The following MBD1 variants were observed in gnomAD, a reference collection of about 807,000 sequenced individuals.
MBD1 encodes the protein methyl-CpG-binding domain protein 1.
MBD1 carries 25 observed loss-of-function variants against 82.6 expected under a neutral mutation model. The observed-to-expected ratio is 0.30, with a 90% CI of 0.22 to 0.42. The LOEUF (loss-of-function observed/expected upper bound fraction) is 0.42. Ranked by LOEUF, MBD1 falls within the 10% of genes least tolerant of loss-of-function variation. The pLI is 1.00. For missense variants in MBD1, 627 were observed against 819.6 expected (o/e 0.76, Z 2.87); for synonymous variants, 301 against 303.7 (o/e 0.99, Z 0.09).
At chr18:50,281,064 C>T in intron 1 of MBD1, 1 of 1,170,638 alleles carries the variant, frequency 8.5e-7, no homozygotes, top group South Asian at 1.3e-5. Flanking sequence ...GTTCTGAACC[C>T]CCATTTCTCT....
chr18:50,274,001 C>A, intron 11 of MBD1, 138 bp from the exon 12 acceptor site: 2 of 1,319,786 alleles, frequency 1.5e-6, no homozygotes, highest in Non-Finnish European at 2.2e-6. Context: ...CATCACTGAG[C>A]CTGCTAGTCT....
intron 16 of MBD1, chr18:50,270,512 G>A (rs578261623): frequency 1.7e-5 from 6 of 349,132 alleles, no homozygotes; most frequent in East Asian, 1.5e-4. Flanking sequence ...GGAGATGCAC[G>A]TTGTCAGGAA....
rs2037667873 is a variant in MBD1 at position 50,275,906 on chromosome 18, G to A, written c.592C>T (p.Leu198=). ...AGCCCCGATGCCACATCATGGGGCAGCTGCAGGAGGCAGGTGGAGCAGGCC... is the reference window on the plus strand; with the variant it reads ...AGCCCCGATGCCACATCATGGGGCAACTGCAGGAGGCAGGTGGAGCAGGCC... ...CGACSTCLLQ[L]PHDVASGLFC... The change falls in exon 7 of 17, where the codon CTG becomes TTG. Residue 198 remains leucine (L), a synonymous_variant. Transcript: ENST00000269468. The A allele has an allele frequency of 6.2e-7, 1 of 1,614,026 alleles. No homozygotes were observed. The highest frequency in any genetic ancestry group is 8.5e-7 in the Non-Finnish European group (1 of 1,180,040).
At position 50,271,465 on chromosome 18, in the gene MBD1, T is replaced by G; in HGVS notation, c.*32+4A>C. 6.2e-7 allele frequency: 1 copy of G among 1,614,162 alleles called. No individual in the cohort carries two copies. Among genetic ancestry groups the G allele is most frequent in the Non-Finnish European group, 8.5e-7 (1 of 1,180,026 alleles). On this transcript the variant is annotated splice_donor_region_variant and intron_variant, in intron 16 of 16. Transcript: ENST00000269468. ...CTCTCATAAAGCCAGTCTGCAAATA[T>G]CACCTTGAATCCTACAGTCTGTAGA...
upstream of MBD1, chr18:50,281,702 C>A: frequency 4.8e-6 from 2 of 417,318 alleles, no homozygotes; most frequent in South Asian, 1.5e-4. Flanking sequence ...TGACGTTCAA[C>A]GACAGCTAAC....
chr18:50,279,667 C>A (rs1050116677), intron 2 of MBD1: 3 of 592,904 alleles, frequency 5.1e-6, no homozygotes, highest in Non-Finnish European at 8.7e-6. Flanking sequence ...CTGCTCTGTA[C>A]GTATTCTTGA....
At chr18:50,267,390 C>T, downstream of MBD1, 2 of 509,758 alleles carry the variant, frequency 3.9e-6, no homozygotes, top group South Asian at 3.2e-5. Flanking sequence ...TTCCTATTTG[C>T]CATTGGCAGA....
chr18:50,279,693 CTG>C (rs1188493101), intron 2 of MBD1, 188 bp downstream of exon 2: 5 of 695,952 alleles, frequency 7.2e-6, no homozygotes, highest in Admixed American at 5.4e-5. Flanking sequence ...CACAAATGCA[CTG>C]TGAGTAGTGA....
chr18:50,272,615 A>C, intron 15 of MBD1, 62 bp downstream of exon 15: 1 of 1,586,938 alleles, frequency 6.3e-7, no homozygotes, highest in Non-Finnish European at 8.6e-7. Flanking sequence ...TACTTTCAAA[A>C]CTCAGGGCCC....
At chr18:50,270,087 T>G (rs751294842) in intron 16 of MBD1, 2 of 1,597,958 alleles carry the variant, frequency 1.3e-6, no homozygotes, top group Non-Finnish European at 1.7e-6. Flanking sequence ...GGTTGGTTCC[T>G]GGGGGAAACA....
chr18:50,276,149 A>G, intron 6 of MBD1, 168 bp from the exon 7 acceptor site: 1 of 899,554 alleles, frequency 1.1e-6, no homozygotes, highest in Admixed American at 2.0e-5. Context: ...GGCCATTAGT[A>G]TGTCTACTGG....
At chr18:50,281,047 T>A in intron 1 of MBD1, 3 of 945,932 alleles carry the variant, frequency 3.2e-6, no homozygotes, top group Non-Finnish European at 4.7e-6. Context: ...CATTTCTCCC[T>A]CTCAGAGTTC....
In MBD1 at chr18:50,279,921, T is replaced by C. The variant is rs756833275; in HGVS notation, c.72A>G (p.Ser24=). The C allele has an allele frequency of 9.9e-6, 16 of 1,613,778 alleles. No homozygotes were observed. Among genetic ancestry groups the C allele is most frequent in the South Asian group, 2.2e-5 (2 of 91,090 alleles). ...TGTCTGAGCGTCCACAGGTGGCCCC[T>C]GACTTGCGAAAGACTTCGCGGCGCT... The part of the protein sequence containing the change: ...GWKRREVFRK[S]GATCGRSDTY... The change falls in exon 2 of 17, where the codon TCA becomes TCG. Residue 24 remains serine, a synonymous_variant. Transcript: ENST00000269468.
At chr18:50,270,455 C>A in intron 16 of MBD1, 1 of 404,100 alleles carries the variant, frequency 2.5e-6, no homozygotes, top group South Asian at 1.9e-5. Context: ...TCCTAGAACA[C>A]ATTCAGGCTG....
At chr18:50,272,543 T>G in intron 15 of MBD1, 134 bp downstream of exon 15, 1 of 953,296 alleles carries the variant, frequency 1.0e-6, no homozygotes, top group Non-Finnish European at 1.7e-6. Context: ...CCTCATTAAT[T>G]GTGACCAGCA....
rs747168311 is a variant in MBD1 at position 50,269,675 on chromosome 18, A to C, written c.*176T>G. The C allele has an allele frequency of 1.3e-6, 1 of 771,800 alleles. No homozygotes were observed. Among genetic ancestry groups the C allele is most frequent in the Non-Finnish European group, 2.4e-6 (1 of 413,044 alleles). The allele number at this position is 771,800 out of a possible 1,614,324, so 47.8% of individuals were successfully genotyped here. ...CCAGCTTCTTCTGCAGGACACCCAC[A>C]TCATCGAAGCTGGAGGTGGTGAGAG... is the stretch of plus-strand genomic sequence containing the variant. On this transcript the variant is annotated 3_prime_UTR_variant, in exon 17 of 17. Coordinates refer to ENST00000269468, the MANE Select transcript of MBD1 (RefSeq NM_015846.4).
chr18:50,270,103 G>C, intron 16 of MBD1: 1 of 1,598,298 alleles, frequency 6.3e-7, no homozygotes, highest in Non-Finnish European at 8.5e-7. Context: ...AAACAAAGCA[G>C]TATCAGTCTA....
Position 50,272,766 on chromosome 18 carries a change from A to G in MBD1, c.1717-28T>C, listed in dbSNP as rs550428985. The G allele has an allele frequency of 3.6e-4, 579 of 1,614,140 alleles. 5 individuals are homozygous for G. In the South Asian group the frequency reaches 6.0e-3, roughly 17 times the overall value. On this transcript the variant is annotated intron_variant, in intron 14 of 16. Transcript: ENST00000269468. Reference sequence around the variant, plus strand: ...AGAGAAGAATTAACACCATAGGTCAATGTGGTTGTTGGGGCTACAGCAGGG... The same window carrying G: ...AGAGAAGAATTAACACCATAGGTCAGTGTGGTTGTTGGGGCTACAGCAGGG...
intron 2 of MBD1, 84 bp downstream of exon 2, chr18:50,279,799 A>G (rs1599565205): frequency 1.3e-6 from 2 of 1,559,086 alleles, no homozygotes; most frequent in Admixed American, 3.4e-5. Context: ...TTTAAACTTC[A>G]TCCATAAATT....
Sources: gnomAD v4.1 joint callset for allele counts on GRCh38, gnomAD v4.1.1 for gene constraint, MANE v1.5 for transcripts, NCBI Gene and HGNC (gene_info 2026-07-23, HGNC 2026-07-21) for gene names.